The following XPO7 variants were observed in gnomAD, a reference collection of about 807,000 sequenced individuals.
XPO7 encodes exportin-7.
Under a neutral mutation model 144.3 loss-of-function variants are expected in XPO7, and 21 were observed. That is an observed-to-expected ratio of 0.15 (90% confidence interval 0.10 to 0.21). The LOEUF is 0.21. XPO7 is among the 10% of genes least tolerant of loss of function. The pLI, the probability that XPO7 is intolerant of heterozygous loss-of-function variation, is 1.00. For missense variants in XPO7, 808 were observed against 1,325.8 expected, an observed-to-expected ratio of 0.61 and a Z score of 6.06; for synonymous variants, 580 against 499.6, an observed-to-expected ratio of 1.16 and a Z score of -2.15.
chr8:21,976,228 G>T (rs976957817), intron 6 of XPO7, 128 bp from the exon 7 acceptor site: 2 of 965,836 alleles, frequency 2.1e-6, no homozygotes, highest in Non-Finnish European at 3.1e-6. Flanking sequence ...CATCTTTGGA[G>T]AGAAGGGGAC....
At chr8:21,971,226 CTA>C (rs1812052060) in intron 4 of XPO7, among the ~76,000 whole-genome samples, 2 of 152,184 alleles carry the variant, frequency 1.3e-5, no homozygotes, top group South Asian at 4.1e-4. Flanking sequence ...TAAGTACACT[CTA>C]TGATGTTAGC....
intron 1 of XPO7, among the ~76,000 whole-genome samples, chr8:21,955,208 A>G (rs760682367): frequency 3.0e-5 from 4 of 135,022 alleles, no homozygotes; most frequent in African/African-American, 1.0e-4. Flanking sequence ...AATATTGTCC[A>G]TGCAGAATCA....
intron 1 of XPO7, among the ~76,000 whole-genome samples, chr8:21,925,857 C>A (rs1392248459): frequency 6.6e-6 from 1 of 152,156 alleles, no homozygotes; most frequent in African/African-American, 2.4e-5. Flanking sequence ...CCAACATTTC[C>A]ATTTTATCTA....
intron 8 of XPO7, among the ~76,000 whole-genome samples, chr8:21,979,524 C>T (rs1161962286): frequency 6.6e-6 from 1 of 151,870 alleles, no homozygotes; most frequent in Non-Finnish European, 1.5e-5. Context: ...TCTCCTCCCT[C>T]AGCCTCCCAA....
intron 24 of XPO7, among the ~76,000 whole-genome samples, chr8:22,001,505 C>A (rs1585486491): frequency 6.6e-6 from 1 of 152,126 alleles, no homozygotes; most frequent in African/African-American, 2.4e-5. Context: ...TGCAGCTCCC[C>A]CCAGAGATGC....
chr8:21,978,620 T>C (rs1161101477), intron 8 of XPO7, among the ~76,000 whole-genome samples: 1 of 152,162 alleles, frequency 6.6e-6, no homozygotes, highest in Non-Finnish European at 1.5e-5. Flanking sequence ...AGAGTACTAC[T>C]TGCAAAGGTA....
chr8:21,962,950 G>T (rs746803149), intron 1 of XPO7, among the ~76,000 whole-genome samples: 1 of 152,036 alleles, frequency 6.6e-6, no homozygotes, highest in Non-Finnish European at 1.5e-5. Context: ...TTCTGGCAAG[G>T]TTCAGTATAA....
intron 19 of XPO7, among the ~76,000 whole-genome samples, chr8:21,992,827 T>C (rs971723559): frequency 1.3e-5 from 2 of 152,214 alleles, no homozygotes; most frequent in African/African-American, 4.8e-5. Context: ...TCTTGACCTG[T>C]ATAGATCTGT....
At chr8:21,964,594 C>T (rs998079329) in intron 1 of XPO7, among the ~76,000 whole-genome samples, 3 of 149,080 alleles carry the variant, frequency 2.0e-5, no homozygotes, top group Non-Finnish European at 3.0e-5. Context: ...AAATTGTTTC[C>T]CATTTGTTCT....
At chr8:21,928,455 A>C (rs1385890530) in intron 1 of XPO7, among the ~76,000 whole-genome samples, 1 of 152,268 alleles carries the variant, frequency 6.6e-6, no homozygotes, top group Admixed American at 6.5e-5. Flanking sequence ...ACCTGGGAGT[A>C]GGATGGCTGA....
Position 21,987,397 on chromosome 8 carries a change from A to G in XPO7, c.1713+121A>G, listed in dbSNP as rs940629989. 3.2e-5 allele frequency: 44 copies of G among 1,380,700 alleles called. No individual in the cohort carries two copies. The East Asian group carries it at 1.0e-3, about 32-fold the overall frequency. 85.5% of individuals were successfully genotyped at this position (1,380,700 alleles called of 1,614,324 possible). On this transcript the variant is annotated intron_variant, in intron 14 of 27. Transcript: ENST00000252512. ...AGATTTCACGTAATAGGACAGTCCA[A>G]ATGTTTTCTCTTAGTCTTTAAATTC...
intron 18 of XPO7, 55 bp from the exon 19 acceptor site, chr8:21,991,813 G>A: frequency 7.0e-7 from 1 of 1,422,726 alleles, no homozygotes; most frequent in South Asian, 1.4e-5. Context: ...TCCCATATAT[G>A]CACAGCTTTG....
chr8:21,970,353 C>T, intron 4 of XPO7, 43 bp downstream of exon 4: 1 of 1,542,220 alleles, frequency 6.5e-7, no homozygotes, highest in Non-Finnish European at 8.8e-7. Flanking sequence ...GGAGAACCAG[C>T]ATATACATAT....
intron 2 of XPO7, among the ~76,000 whole-genome samples, chr8:21,968,470 C>T (rs892452057): frequency 5.3e-5 from 8 of 152,172 alleles, no homozygotes; most frequent in South Asian, 2.1e-4. Flanking sequence ...TTCTGTTTTA[C>T]GCACATAGTG....
At chr8:21,948,700 T>C (rs1262382034) in intron 1 of XPO7, among the ~76,000 whole-genome samples, 2 of 152,236 alleles carry the variant, frequency 1.3e-5, no homozygotes, top group African/African-American at 4.8e-5. Flanking sequence ...GTTTTGTTTT[T>C]TTATTCATCC....
At chr8:21,951,535 G>A (rs967090760) in intron 1 of XPO7, among the ~76,000 whole-genome samples, 6 of 152,034 alleles carry the variant, frequency 3.9e-5, no homozygotes, top group Non-Finnish European at 2.9e-5. Flanking sequence ...CGAGAATTAG[G>A]GGACTTCAGA....
intron 13 of XPO7, among the ~76,000 whole-genome samples, chr8:21,985,899 T>C (rs1812563884): frequency 6.6e-6 from 1 of 152,236 alleles, no homozygotes; most frequent in Admixed American, 6.5e-5. Context: ...AAGGAAATAA[T>C]GGATACGGAA....
At position 21,999,172 on chromosome 8, in the gene XPO7, C is replaced by G. The variant is rs1286959063; in HGVS notation, c.2510C>G (p.Ser837Cys). The change falls in exon 23 of 28, where the codon TCC becomes TGC. Residue 837 changes from serine (S) to cysteine (C), a missense_variant. Around this residue, in one of 5 missense-constraint regions of XPO7, gnomAD observed 416 missense variants for 612.5 expected, o/e 0.68. Transcript: ENST00000252512. ...LKLKGISICF[S>C]MLKAALSGSY... ...CTCAAGGGCATCTCCATCTGCTTCTCCATGCTGAAGGCTGCTCTCAGTGGG... is the reference window on the plus strand; with the variant it reads ...CTCAAGGGCATCTCCATCTGCTTCTGCATGCTGAAGGCTGCTCTCAGTGGG... The G allele has an allele frequency of 3.7e-6, 6 of 1,613,862 alleles. No individual in the cohort carries two copies. Among genetic ancestry groups the G allele is most frequent in the Non-Finnish European group, 5.1e-6 (6 of 1,179,894 alleles).
At chr8:21,932,525 G>A (rs542118034) in intron 1 of XPO7, among the ~76,000 whole-genome samples, 13 of 152,096 alleles carry the variant, frequency 8.5e-5, no homozygotes, top group African/African-American at 3.1e-4. Flanking sequence ...GTTCTGTTTC[G>A]AGTTTCTTAT....
Sources: gnomAD v4.1 joint callset for allele counts (sites outside exome capture counted in the v4.1 genomes callset) on GRCh38, gnomAD v4.1.1 for gene constraint, gnomAD v4.1.1 regional missense constraint, MANE v1.5 for transcripts, NCBI Gene and HGNC (gene_info 2026-07-23, HGNC 2026-07-21) for gene names.